Variants in HPS4 observed in about 807,000 individuals in gnomAD.
HPS4 encodes HPS4 biogenesis of lysosomal organelles complex 3 subunit 2, also known as BLOC-3 complex member HPS4.
A neutral mutation model predicts 70.3 loss-of-function variants in HPS4; 44 were observed. The observed-to-expected ratio is 0.63, with a 90% CI of 0.49 to 0.80. The LOEUF (loss-of-function observed/expected upper bound fraction) is 0.80, where lower values mean the gene tolerates loss of function less well. Among genes scored for constraint, HPS4 ranks in the 30% least tolerant of loss-of-function variants. The pLI, the probability that HPS4 is intolerant of heterozygous loss-of-function variation, is 0.00. For synonymous variants in HPS4, 377 were observed against 355.9 expected, an observed-to-expected ratio of 1.06 and a Z score of -0.67; for missense variants, 873 against 884.4, an observed-to-expected ratio of 0.99 and a Z score of 0.16.
intron 1 of HPS4, chr22:26,482,947 A>ATTCTT (rs2091439002): frequency 1.3e-5 from 2 of 152,206 alleles, no homozygotes; most frequent in South Asian, 4.1e-4. Flanking sequence ...CTATTGTCTA[A>ATTCTT]TTCTTACTGT....
intron 8 of HPS4, chr22:26,466,583 T>G: frequency 4.2e-6 from 2 of 479,280 alleles, no homozygotes; most frequent in South Asian, 4.3e-5. Context: ...CTGTTCTCTT[T>G]TACACCTTTG....
rs2085319742 is a variant in HPS4 at position 26,452,054 on chromosome 22, C to T, written c.*1179G>A. 2 of 342,956 alleles carry T rather than the reference C, an allele frequency of 5.8e-6. No individual in the cohort carries two copies. The highest frequency in any genetic ancestry group is 4.3e-5 in the Admixed American group (1 of 23,424). 21.2% of individuals were successfully genotyped at this position (342,956 alleles called of 1,614,324 possible). ...CACACACACACACACTGTCTTAACC[C>T]TTACCTTTGTCACAAAAAAATGCTG... On this transcript the variant is annotated 3_prime_UTR_variant, in exon 14 of 14. Coordinates refer to ENST00000398145, the MANE Select transcript of HPS4 (RefSeq NM_022081.6).
chr22:26,467,890 CTTAT>C (rs2088980523), intron 8 of HPS4: 2 of 151,830 alleles, frequency 1.3e-5, no homozygotes, highest in South Asian at 2.1e-4. Flanking sequence ...GTTTGTTTTC[CTTAT>C]TTTTTTATTT....
chr22:26,470,637 C>T, intron 7 of HPS4, 82 bp downstream of exon 7: 3 of 1,374,032 alleles, frequency 2.2e-6, no homozygotes, highest in Non-Finnish European at 3.1e-6. Flanking sequence ...GACTGGGCTC[C>T]CCACTGTGAT....
At chr22:26,458,252 T>A (rs922391133) in intron 12 of HPS4, among the ~76,000 whole-genome samples, 193 bp downstream of exon 12, 2 of 152,176 alleles carry the variant, frequency 1.3e-5, no homozygotes, top group African/African-American at 4.8e-5. Flanking sequence ...AACAGACACA[T>A]GAGCAGAGAA....
chr22:26,483,412 G>T (rs2091505182), intron 1 of HPS4, among the ~76,000 whole-genome samples: 1 of 152,210 alleles, frequency 6.6e-6, no homozygotes, highest in South Asian at 2.1e-4. Flanking sequence ...TGGTGATACT[G>T]CTGTGGGAAG....
downstream of HPS4, among the ~76,000 whole-genome samples, chr22:26,448,943 G>T (rs1313054994): frequency 6.6e-6 from 1 of 152,212 alleles, no homozygotes; most frequent in Admixed American, 6.5e-5. Context: ...AAGCAAAGCA[G>T]GAGACAAGTG....
intron 10 of HPS4, 89 bp downstream of exon 10, chr22:26,465,366 G>C: frequency 1.2e-6 from 1 of 869,252 alleles, no homozygotes; most frequent in Non-Finnish European, 2.0e-6. Flanking sequence ...AAGGAACGAT[G>C]GGATGTATCA....
At chr22:26,471,071 G>T in intron 6 of HPS4, 1 of 614,432 alleles carries the variant, frequency 1.6e-6, no homozygotes, top group Non-Finnish European at 2.9e-6. Flanking sequence ...CAGCAAATAT[G>T]GCATATGGCT....
At chr22:26,462,519 C>T (rs1349533126) in intron 11 of HPS4, among the ~76,000 whole-genome samples, 1 of 152,298 alleles carries the variant, frequency 6.6e-6, no homozygotes, top group East Asian at 1.9e-4. Flanking sequence ...TGTTCTAAGG[C>T]TTGGCTAAAA....
chr22:26,481,191 T>C (rs2091251783), intron 2 of HPS4, among the ~76,000 whole-genome samples: 1 of 151,620 alleles, frequency 6.6e-6, no homozygotes, highest in African/African-American at 2.4e-5. Flanking sequence ...TCCACATAAA[T>C]AATCAGTCAC....
chr22:26,481,570 TCA>T (rs1327165500), intron 2 of HPS4, 150 bp downstream of exon 2: 5 of 731,166 alleles, frequency 6.8e-6, no homozygotes, highest in Non-Finnish European at 9.9e-6. Context: ...GAGCGATGGC[TCA>T]CGTGCTTGAT....
chr22:26,466,264 T>C lies in HPS4; in HGVS notation c.670-2A>G, dbSNP rs2088594161. The C allele has an allele frequency of 1.2e-6, 2 of 1,614,086 alleles. No homozygotes were observed. The highest frequency in any genetic ancestry group is 2.2e-5 in the East Asian group (1 of 44,894). On this transcript the variant is annotated splice_acceptor_variant, in intron 8 of 13. Transcript: ENST00000398145. LOFTEE classifies it high-confidence loss of function. ...GGCATCCTCTCCCGTAGGGAGTCTCTGAAAACAAACACACACAGAAGTTGG... is the reference window on the plus strand; with the variant it reads ...GGCATCCTCTCCCGTAGGGAGTCTCCGAAAACAAACACACACAGAAGTTGG...
rs78502679 is a variant in HPS4 at position 26,463,610 on chromosome 22, A to G, written c.1713+307T>C. 8.4e-3 allele frequency among the ~76,000 whole-genome samples: 1,281 copies of G among 152,364 alleles called. 8 individuals carry two copies. The highest frequency in any genetic ancestry group is 0.017 in the Middle Eastern group (5 of 294). On this transcript the variant is annotated intron_variant, in intron 11 of 13. Transcript: ENST00000398145. ...GCTAGAGGACAAGGGCCAGGATTCC[A>G]TCTCAGGCCTTCCCTTTCTCCAAGG... is the stretch of plus-strand genomic sequence containing the variant.
downstream of HPS4, among the ~76,000 whole-genome samples, chr22:26,445,921 A>C (rs1024459524): frequency 6.6e-6 from 1 of 152,174 alleles, no homozygotes; most frequent in Non-Finnish European, 1.5e-5. Context: ...GGGGTCTCCC[A>C]GCCAGGAGCC....
rs1234008675 is a variant in HPS4 at position 26,464,695 on chromosome 22, G to A, written c.935C>T (p.Thr312Ile). ...ATCTGGACAAGCTTCGTCAGGGGAT[G>A]TGGGATCTGGGGTGGTCCAGGCCAT... ...ESMAWTTPDP[T>I]SPDEACPDGR... The change falls in exon 11 of 14, where the codon ACA becomes ATA. Residue 312 changes from threonine to isoleucine, a missense_variant. Coordinates refer to ENST00000398145, the MANE Select transcript of HPS4 (RefSeq NM_022081.6). 7.5e-6 allele frequency: 12 copies of A among 1,609,084 alleles called. No individual in the cohort carries two copies. Among genetic ancestry groups the A allele is most frequent in the Non-Finnish European group, 9.4e-6 (11 of 1,176,404 alleles).
At chr22:26,463,238 G>C (rs904947413) in intron 11 of HPS4, among the ~76,000 whole-genome samples, 1 of 152,178 alleles carries the variant, frequency 6.6e-6, no homozygotes, top group Non-Finnish European at 1.5e-5. Context: ...AATAGTTTAA[G>C]AGCCCTCCAG....
In HPS4 at chr22:26,462,126, CAA is replaced by C. The variant is rs10711513; in HGVS notation, c.1713+1789_1713+1790del. On this transcript the variant is annotated intron_variant, in intron 11 of 13. Coordinates refer to ENST00000398145, the MANE Select transcript of HPS4 (RefSeq NM_022081.6). ...GGGCAACAAGAGCGGAACTCCATCT[CAA>C]AAAAAAAAAAAAAAAAGAAGAAAAG... Among the ~76,000 whole-genome samples the C allele has an allele frequency of 2.5e-3, 338 of 136,872 alleles. 1 individual carries two copies. The highest frequency in any genetic ancestry group is 1.7e-3 in the Non-Finnish European group (110 of 63,646). 89.8% of individuals were successfully genotyped at this position (136,872 alleles called of 152,430 possible). A position where few individuals can be genotyped will look rare whatever the true frequency, so the allele number is the denominator to read the frequency against.
downstream of HPS4, chr22:26,444,113 A>AG (rs1305828891): frequency 6.6e-6 from 1 of 152,204 alleles, no homozygotes; most frequent in African/African-American, 2.4e-5. Flanking sequence ...TAGGAGCTGT[A>AG]GGGGGATAGG....
Sources: gnomAD v4.1 joint callset for allele counts (sites outside exome capture counted in the v4.1 genomes callset) on GRCh38, gnomAD v4.1.1 for gene constraint, MANE v1.5 for transcripts, NCBI Gene and HGNC (gene_info 2026-07-23, HGNC 2026-07-21) for gene names.